The following CDK15 variants were observed in gnomAD, a reference collection of about 807,000 sequenced individuals.
CDK15 encodes the protein cyclin dependent kinase 15.
A neutral mutation model predicts 60.3 loss-of-function variants in CDK15; 62 were observed. The ratio of observed to expected loss-of-function variants is 1.03; its 90% confidence interval spans 0.84 to 1.27. The LOEUF (loss-of-function observed/expected upper bound fraction) is 1.27, where lower values mean the gene tolerates loss of function less well. Among genes scored for constraint, CDK15 ranks in the 50% most tolerant of loss-of-function variants. The pLI is 0.00. For synonymous variants in CDK15, 194 were observed against 195.7 expected (o/e 0.99, Z 0.07); for missense variants, 541 against 527.8 (o/e 1.03, Z -0.25).
intron 3 of CDK15, among the ~76,000 whole-genome samples, chr2:201,810,779 TCAGA>T (rs2106150704): frequency 6.6e-6 from 1 of 151,222 alleles, no homozygotes; most frequent in South Asian, 2.1e-4. Context: ...CAACACTATC[TCAGA>T]CAGGTGACTA....
chr2:201,854,686 C>A (rs562589225), intron 9 of CDK15, 188 bp from the exon 10 acceptor site: 54 of 582,554 alleles, frequency 9.3e-5, no homozygotes, highest in African/African-American at 8.7e-4. Flanking sequence ...TACAGTTTTG[C>A]CCAAGAAACC....
intron 6 of CDK15, among the ~76,000 whole-genome samples, chr2:201,832,906 A>T (rs548749750): frequency 4.6e-5 from 7 of 152,260 alleles, no homozygotes; most frequent in Non-Finnish European, 1.0e-4. Flanking sequence ...AACTGCCAGA[A>T]CACGTTCTCA....
rs1246505021 is a variant in CDK15 at position 201,807,628 on chromosome 2, G to A, written c.258G>A (p.Arg86=). The A allele has an allele frequency of 6.2e-7, 1 of 1,614,130 alleles. No individual in the cohort carries two copies. The highest frequency in any genetic ancestry group is 1.7e-5 in the Admixed American group (1 of 60,022). The stretch of plus-strand genomic sequence containing the variant: ...ATTGTTTTCAGGAAGAGGATCTGAG[G>A]CAGGGTTTTCAGTGGGTGAGTGAGC... ...NSDCFQEEDL[R]QGFQWRKSLP... The change falls in exon 2 of 14, where the codon AGG becomes AGA. Residue 86 remains arginine (R), a synonymous_variant. Coordinates refer to ENST00000652192, the MANE Select transcript of CDK15 (RefSeq NM_001366386.2).
chr2:201,867,486 G>A (rs1441492723), intron 10 of CDK15, among the ~76,000 whole-genome samples: 1 of 152,144 alleles, frequency 6.6e-6, no homozygotes, highest in African/African-American at 2.4e-5. Context: ...TTAGCCAGAA[G>A]TGGTGGTGTG....
chr2:201,884,593 T>C (rs1002605129), intron 12 of CDK15, among the ~76,000 whole-genome samples: 3 of 152,218 alleles, frequency 2.0e-5, no homozygotes. Context: ...AAGGTCCCTA[T>C]GATATCACTT....
At chr2:201,810,316 T>C (rs1429836976) in intron 3 of CDK15, among the ~76,000 whole-genome samples, 1 of 151,606 alleles carries the variant, frequency 6.6e-6, no homozygotes, top group East Asian at 1.9e-4. Flanking sequence ...CAGTTTCACA[T>C]ATGGTTAAAG....
intron 4 of CDK15, 106 bp from the exon 5 acceptor site, chr2:201,822,703 C>T: frequency 1.6e-6 from 1 of 606,664 alleles, no homozygotes; most frequent in Non-Finnish European, 2.9e-6. Context: ...GTAAAATAAC[C>T]AGAATGTTTG....
At chr2:201,877,878 A>G in intron 11 of CDK15, among the ~76,000 whole-genome samples, 1 of 152,250 alleles carries the variant, frequency 6.6e-6, no homozygotes, top group East Asian at 1.9e-4. Flanking sequence ...CTTGGGAATC[A>G]AATAGCTCAA....
intron 10 of CDK15, among the ~76,000 whole-genome samples, chr2:201,869,492 AG>A (rs1432789454): frequency 6.6e-6 from 1 of 152,094 alleles, no homozygotes; most frequent in Non-Finnish European, 1.5e-5. Context: ...ACAAACCTGC[AG>A]GTTGTGCACC....
At chr2:201,880,230 C>G in intron 12 of CDK15, 63 bp downstream of exon 12, 1 of 1,575,066 alleles carries the variant, frequency 6.3e-7, no homozygotes, top group East Asian at 2.3e-5. Context: ...GTGTGTAAGT[C>G]TTGGTGTCTT....
chr2:201,836,126 T>TATTTTATATA (rs1559126347), intron 8 of CDK15, among the ~76,000 whole-genome samples: 9 of 73,866 alleles, frequency 1.2e-4, no homozygotes, highest in African/African-American at 4.6e-4. Context: ...ATATTATATA[T>TATTTTATATA]TTTATATATT....
chr2:201,875,549 C>A (rs915295678), intron 11 of CDK15, among the ~76,000 whole-genome samples: 2 of 152,132 alleles, frequency 1.3e-5, no homozygotes, highest in African/African-American at 4.8e-5. Flanking sequence ...TCCATCCCAA[C>A]AATAAAGGAA....
chr2:201,807,829 C>G, intron 2 of CDK15, 29 bp from the exon 3 acceptor site: 6 of 1,586,966 alleles, frequency 3.8e-6, no homozygotes, highest in Non-Finnish European at 4.3e-6. Flanking sequence ...CCCTTTCACC[C>G]GCTCCTTTTC....
intron 4 of CDK15, among the ~76,000 whole-genome samples, chr2:201,817,128 T>G (rs994559358): frequency 1.3e-5 from 2 of 152,198 alleles, no homozygotes; most frequent in African/African-American, 2.4e-5. Context: ...CTTTCCTGGG[T>G]GAAGCCAAGA....
Position 201,833,896 on chromosome 2 carries a change from C to CA in CDK15, c.656dup (p.His219GlnfsTer24). 1 of 1,614,034 alleles carries CA rather than the reference C, an allele frequency of 6.2e-7. No homozygotes were observed. Among genetic ancestry groups the CA allele is most frequent in the Non-Finnish European group, 8.5e-7 (1 of 1,179,988 alleles). On this transcript the variant is annotated frameshift_variant, in exon 7 of 14. Coordinates refer to ENST00000652192, the MANE Select transcript of CDK15 (RefSeq NM_001366386.2). LOFTEE classifies it high-confidence loss of function. ...GGGCCTGGCGTACATCCACCACCAACACGTTCTTCACAGGGACCTGAAACC... is the reference window on the plus strand; with the variant it reads ...GGGCCTGGCGTACATCCACCACCAACAACGTTCTTCACAGGGACCTGAAACC...
chr2:201,867,131 C>T (rs1698664417), intron 10 of CDK15, among the ~76,000 whole-genome samples: 1 of 152,196 alleles, frequency 6.6e-6, no homozygotes, highest in African/African-American at 2.4e-5. Flanking sequence ...AAGTATGTGT[C>T]AGACACTGTG....
At chr2:201,807,694 A>G (rs1203657478) in intron 2 of CDK15, 51 bp downstream of exon 2, 2 of 1,607,628 alleles carry the variant, frequency 1.2e-6, no homozygotes, top group Admixed American at 1.7e-5. Context: ...GAGCTTGTCT[A>G]CGGAGGCCGG....
rs61995877 is a variant in CDK15, at chr2:201,880,095, G to C, written c.1126G>C (p.Val376Leu). Residue 376 changes from valine to leucine, a missense_variant, in exon 12 of 14, where the codon GTC becomes CTC. Transcript: ENST00000652192. ...QMLKGFPRDR[V>L]SAQEALVHDY... ...GCTAAAAGGCTTTCCCAGAGACCGC[G>C]TCTCCGCCCAGGAAGCACTTGTTCA... The C allele has an allele frequency of 3.2e-4, 517 of 1,614,078 alleles. 6 individuals carry two copies. The African/African-American group carries it at 6.1e-3, about 19-fold the overall frequency.
chr2:201,861,639 C>A, intron 10 of CDK15: 2 of 578,090 alleles, frequency 3.5e-6, no homozygotes. Flanking sequence ...CGGCTCACCG[C>A]AGCCTCCGCC....
Sources: gnomAD v4.1 joint callset for allele counts (sites outside exome capture counted in the v4.1 genomes callset) on GRCh38, gnomAD v4.1.1 for gene constraint, MANE v1.5 for transcripts, NCBI Gene and HGNC (gene_info 2026-07-23, HGNC 2026-07-21) for gene names.